SUPT3H: variants seen among roughly 807,000 people sequenced by gnomAD.
SUPT3H encodes the protein transcription initiation protein SPT3 homolog.
In SUPT3H, 44 loss-of-function variants were observed where a neutral mutation model predicts 44.3. That is an observed-to-expected ratio of 0.99 (90% CI 0.78 to 1.28). The LOEUF (loss-of-function observed/expected upper bound fraction) is 1.28. Among genes scored for constraint, SUPT3H ranks in the 50% most tolerant of loss-of-function variants. The pLI, the probability that SUPT3H is intolerant of heterozygous loss-of-function variation, is 0.00. For missense variants in SUPT3H, 380 were observed against 387.1 expected, an observed-to-expected ratio of 0.98 and a Z score of 0.15; for synonymous variants, 124 against 125.6, an observed-to-expected ratio of 0.99 and a Z score of 0.09.
intron 10 of SUPT3H, among the ~76,000 whole-genome samples, chr6:44,839,339 G>T (rs995526020): frequency 6.6e-6 from 1 of 151,684 alleles, no homozygotes; most frequent in Non-Finnish European, 1.5e-5. Context: ...TTTGAAACTG[G>T]GTCTCGCCCA....
intron 2 of SUPT3H, among the ~76,000 whole-genome samples, chr6:45,130,914 T>C (rs1803377269): frequency 6.6e-6 from 1 of 151,608 alleles, no homozygotes; most frequent in South Asian, 2.1e-4. Context: ...ACGGGGTTTC[T>C]GCATGTTGGT....
intron 2 of SUPT3H, among the ~76,000 whole-genome samples, chr6:45,309,736 T>C (rs1164058307): frequency 6.6e-6 from 1 of 151,578 alleles, no homozygotes; most frequent in Non-Finnish European, 1.5e-5. Context: ...GAAAAGATCC[T>C]GAAACCAACA....
chr6:45,267,293 G>A (rs1775416322), intron 2 of SUPT3H, among the ~76,000 whole-genome samples: 2 of 152,098 alleles, frequency 1.3e-5, no homozygotes, highest in Admixed American at 1.3e-4. Flanking sequence ...CCTAATTAAG[G>A]AGTTAACAAG....
At chr6:45,349,369 C>T (rs755110117) in intron 2 of SUPT3H, among the ~76,000 whole-genome samples, 18 of 152,140 alleles carry the variant, frequency 1.2e-4, no homozygotes, top group Non-Finnish European at 2.5e-4. Context: ...CCATCTGCTA[C>T]GGCTATGATT....
chr6:44,815,230 T>C (rs1443311758), intron 11 of SUPT3H, among the ~76,000 whole-genome samples: 2 of 152,050 alleles, frequency 1.3e-5, no homozygotes, highest in East Asian at 3.8e-4. Context: ...TTAAAAATAA[T>C]AAAAAGGGTG....
chr6:44,979,663 A>C (rs1042901401), intron 6 of SUPT3H, among the ~76,000 whole-genome samples: 2 of 152,172 alleles, frequency 1.3e-5, no homozygotes, highest in Non-Finnish European at 2.9e-5. Flanking sequence ...TTAAAAGGTG[A>C]TGAGTTTGTG....
intron 3 of SUPT3H, among the ~76,000 whole-genome samples, chr6:45,093,853 C>A (rs1023745929): frequency 4.6e-5 from 7 of 151,880 alleles, no homozygotes; most frequent in Non-Finnish European, 1.0e-4. Flanking sequence ...TAGAAAAAAA[C>A]CTAATATGAT....
intron 10 of SUPT3H, among the ~76,000 whole-genome samples, chr6:44,905,933 C>A (rs1308921264): frequency 1.3e-5 from 2 of 152,004 alleles, no homozygotes; most frequent in East Asian, 3.9e-4. Flanking sequence ...GACAAAAAAA[C>A]CAAACACCAC....
intron 10 of SUPT3H, among the ~76,000 whole-genome samples, chr6:44,900,032 T>C (rs1764717766): frequency 6.6e-6 from 1 of 152,192 alleles, no homozygotes; most frequent in African/African-American, 2.4e-5. Flanking sequence ...TAGAAAACTA[T>C]TTTAGGATGA....
intron 9 of SUPT3H, 54 bp from the exon 10 acceptor site, chr6:44,932,817 T>C: frequency 8.4e-7 from 1 of 1,196,044 alleles, no homozygotes; most frequent in Non-Finnish European, 1.2e-6. Context: ...GCAACAGAAC[T>C]ACAGTGTATA....
At chr6:44,842,028 G>A (rs1411674735) in intron 10 of SUPT3H, among the ~76,000 whole-genome samples, 1 of 152,218 alleles carries the variant, frequency 6.6e-6, no homozygotes, top group African/African-American at 2.4e-5. Flanking sequence ...GAGATGGGGT[G>A]AAGGTGTTAC....
chr6:45,338,622 A>G (rs1444704239), intron 2 of SUPT3H, among the ~76,000 whole-genome samples: 6 of 152,146 alleles, frequency 3.9e-5, no homozygotes, highest in African/African-American at 1.4e-4. Flanking sequence ...ACCATGTGAT[A>G]AAAATAATAA....
intron 3 of SUPT3H, among the ~76,000 whole-genome samples, chr6:45,056,766 T>C (rs925516978): frequency 6.6e-6 from 1 of 152,034 alleles, no homozygotes; most frequent in Non-Finnish European, 1.5e-5. Flanking sequence ...GCGTGGGTGA[T>C]TGGGTATACC....
chr6:45,252,584 T>G (rs904885620), intron 2 of SUPT3H, among the ~76,000 whole-genome samples: 2 of 151,484 alleles, frequency 1.3e-5, no homozygotes, highest in African/African-American at 4.9e-5. Context: ...AGTAGACACC[T>G]AAACATGTAA....
At chr6:44,920,935 A>G (rs981180294) in intron 10 of SUPT3H, among the ~76,000 whole-genome samples, 3 of 152,166 alleles carry the variant, frequency 2.0e-5, no homozygotes, top group Admixed American at 6.5e-5. Flanking sequence ...TCTGTTTTAT[A>G]AAGTCAAATA....
chr6:45,239,058 T>C (rs1423750215), intron 2 of SUPT3H, among the ~76,000 whole-genome samples: 1 of 152,228 alleles, frequency 6.6e-6, no homozygotes, highest in Admixed American at 6.5e-5. Flanking sequence ...AGATGCCCTA[T>C]ACTTCAGCTC....
At chr6:45,051,536 T>A (rs1000966349) in intron 3 of SUPT3H, among the ~76,000 whole-genome samples, 2 of 150,926 alleles carry the variant, frequency 1.3e-5, no homozygotes, top group African/African-American at 4.9e-5. Context: ...GTATATATAT[T>A]TATTAAATAT....
chr6:45,361,760 TAAG>T (rs1205063426), intron 2 of SUPT3H: 2 of 152,160 alleles, frequency 1.3e-5, no homozygotes, highest in African/African-American at 4.8e-5. Flanking sequence ...TTCAAATCTG[TAAG>T]AAGGGGCCAG....
intron 2 of SUPT3H, among the ~76,000 whole-genome samples, chr6:45,359,283 T>A (rs2150238481): frequency 6.6e-6 from 1 of 152,298 alleles, no homozygotes; most frequent in East Asian, 1.9e-4. Flanking sequence ...AAAAAAGACT[T>A]TCCATTATGC....
Sources: allele counts gnomAD v4.1 joint callset (sites outside exome capture counted in the v4.1 genomes callset), GRCh38; gene constraint gnomAD v4.1.1; transcripts MANE v1.5; gene names NCBI Gene and HGNC (gene_info 2026-07-23, HGNC 2026-07-21).